PCNX1: variants seen among roughly 807,000 people sequenced by gnomAD.
The protein encoded by PCNX1 is pecanex 1.
In PCNX1, 78 loss-of-function variants were observed where a neutral mutation model predicts 242.2. That is an observed-to-expected ratio of 0.32 (90% CI 0.27 to 0.39). The LOEUF is 0.39. Among genes scored for constraint, PCNX1 ranks in the 10% least tolerant of loss-of-function variants. PCNX1 has a pLI of 1.00. For synonymous variants in PCNX1, 1,024 were observed against 1,032.9 expected, an observed-to-expected ratio of 0.99 and a Z score of 0.17; for missense variants, 2,581 against 2,856.5, an observed-to-expected ratio of 0.90 and a Z score of 2.20.
chr14:71,106,511 C>G (rs559682766), intron 33 of PCNX1, among the ~76,000 whole-genome samples: 69 of 150,994 alleles, frequency 4.6e-4, no homozygotes, highest in Non-Finnish European at 9.1e-4. Context: ...GAGAATAAGA[C>G]TCTTGATATA....
In PCNX1 at chr14:70,966,407, G is replaced by A. The variant is rs74060509; in HGVS notation, c.469-1791G>A. 3.3e-3 allele frequency among the ~76,000 whole-genome samples: 499 copies of A among 152,262 alleles called. 4 individuals carry two copies. Among genetic ancestry groups the A allele is most frequent in the African/African-American group, 0.012 (479 of 41,564 alleles). ...TTCTCTAGGCTTTTTTCTCAGGGTT[G>A]CAGGATGAGCACAGCAGCTTCAATC... On this transcript the variant is annotated intron_variant, in intron 3 of 35. Transcript: ENST00000304743.
chr14:71,047,171 G>A, intron 21 of PCNX1, 66 bp downstream of exon 21: 1 of 953,442 alleles, frequency 1.0e-6, no homozygotes, highest in Non-Finnish European at 1.5e-6. Flanking sequence ...GTCTTAAGTT[G>A]TTGATCAAAT....
At position 70,977,918 on chromosome 14, in the gene PCNX1, C is replaced by G. The variant is rs2058730383; in HGVS notation, c.1581C>G (p.Ser527=). The stretch of plus-strand genomic sequence containing the variant: ...ATAAGTCAGCTGTTTCTGTGGATTC[C>G]AAAGTGCGTAAAGATGTTGGTGGAA... ...KSDKSAVSVD[S]KVRKDVGGKQ... Residue 527 remains serine, a synonymous_variant, in exon 6 of 36, where the codon TCC becomes TCG. Transcript: ENST00000304743. The G allele has an allele frequency of 6.2e-7, 1 of 1,614,054 alleles. No individual in the cohort carries two copies. Among genetic ancestry groups the G allele is most frequent in the Non-Finnish European group, 8.5e-7 (1 of 1,180,024 alleles).
rs148869550 is a variant in PCNX1, at chr14:71,058,660, A to G, written c.4852+936A>G. On this transcript the variant is annotated intron_variant, in intron 26 of 35. Transcript: ENST00000304743. ...TTTATTTTCATCCTGGTGTTGCATA[A>G]GAAGGCTTGCACCTTAGCTATGTAG... is the stretch of plus-strand genomic sequence containing the variant. Among the ~76,000 whole-genome samples the G allele has an allele frequency of 2.4e-3, 361 of 152,314 alleles. 1 individual carries two copies. Among genetic ancestry groups the G allele is most frequent in the Middle Eastern group, 6.8e-3 (2 of 294 alleles).
Position 71,114,204 on chromosome 14 carries a change from T to C in PCNX1, c.*4269T>C, listed in dbSNP as rs2062809499. On this transcript the variant is annotated 3_prime_UTR_variant, in exon 36 of 36. Transcript: ENST00000304743. ...GCATTGGGACAGCATAATTCTAATA[T>C]TACATTGAATATGGCTTTTTAAAAA... 6.6e-6 allele frequency: 1 copy of C among 152,204 alleles called. No homozygotes were observed. The allele number at this position is 152,204 out of a possible 1,614,324, so 9.4% of individuals were successfully genotyped here.
intron 7 of PCNX1, 103 bp downstream of exon 7, chr14:70,988,802 T>G: frequency 7.2e-7 from 1 of 1,381,094 alleles, no homozygotes; most frequent in Non-Finnish European, 9.9e-7. Flanking sequence ...GTTTTTCTTT[T>G]CCTTTCTGTT....
rs752885109 is a variant in PCNX1, at chr14:71,103,713, C to A, written c.6095+44C>A. 10 of 1,582,344 alleles carry A rather than the reference C, an allele frequency of 6.3e-6. No individual in the cohort carries two copies. In the Admixed American group the frequency reaches 1.3e-4, roughly 21 times the overall value. On this transcript the variant is annotated intron_variant, in intron 32 of 35. Coordinates refer to ENST00000304743, the MANE Select transcript of PCNX1 (RefSeq NM_014982.3). Reference sequence around the variant, plus strand: ...TTATTCAGTGCTGGTGTATTCCTGACCCTCTTAATCTAGGCAGTGTGCATC... The same window carrying A: ...TTATTCAGTGCTGGTGTATTCCTGAACCTCTTAATCTAGGCAGTGTGCATC...
intron 1 of PCNX1, among the ~76,000 whole-genome samples, chr14:70,918,852 C>A (rs1471514817): frequency 6.7e-6 from 1 of 150,344 alleles, no homozygotes; most frequent in Non-Finnish European, 1.5e-5. Flanking sequence ...ATTTCTTATT[C>A]AATGGAGTGT....
At chr14:70,986,273 C>T (rs2058999222) in intron 6 of PCNX1, among the ~76,000 whole-genome samples, 1 of 152,162 alleles carries the variant, frequency 6.6e-6, no homozygotes, top group South Asian at 2.1e-4. Flanking sequence ...TAGGTGTTTA[C>T]CCCCTGAATA....
At chr14:71,033,855 TAA>T (rs1482470936) in intron 17 of PCNX1, 74 bp from the exon 18 acceptor site, 2 of 793,256 alleles carry the variant, frequency 2.5e-6, no homozygotes, top group South Asian at 1.5e-5. Context: ...TTTTCTATCA[TAA>T]ACTTCATTGC....
In PCNX1 at chr14:71,109,025, A is replaced by C. The variant is rs1172850964; in HGVS notation, c.6723A>C (p.Ala2241=). Residue 2241 remains alanine, a synonymous_variant, in exon 34 of 36, where the codon GCA becomes GCC. Transcript: ENST00000304743. ...CCAACAATTCACACTCCAGAAAGGC[A>C]GAAGTGATTTACAGAGTCCAAGTAA... is the stretch of plus-strand genomic sequence containing the variant. The part of the protein sequence containing the change: ...SPANNSHSRK[A]EVIYRVQIVD... 6.2e-7 allele frequency: 1 copy of C among 1,612,788 alleles called. No individual in the cohort carries two copies. Among genetic ancestry groups the C allele is most frequent in the African/African-American group, 1.3e-5 (1 of 74,938 alleles).
rs192328955 is a variant in PCNX1, at chr14:71,050,018, A to G, written c.4339-634A>G. On this transcript the variant is annotated intron_variant, in intron 22 of 35. Transcript: ENST00000304743. ...ATTTCTATGGAAACAGGCAGTGACAACTGTATTACAAATGCTGTTTTTCAC... is the reference window on the plus strand; with the variant it reads ...ATTTCTATGGAAACAGGCAGTGACAGCTGTATTACAAATGCTGTTTTTCAC... Among the ~76,000 whole-genome samples, 279 of 152,364 alleles carry G rather than the reference A, an allele frequency of 1.8e-3. 3 individuals carry two copies. Among genetic ancestry groups the G allele is most frequent in the African/African-American group, 6.6e-3 (274 of 41,584 alleles).
chr14:71,069,957 A>C (rs2061549480), intron 26 of PCNX1, among the ~76,000 whole-genome samples: 1 of 152,158 alleles, frequency 6.6e-6, no homozygotes. Flanking sequence ...CCATAGTATG[A>C]TTTCTTTCAA....
intron 1 of PCNX1, among the ~76,000 whole-genome samples, chr14:70,910,025 A>G (rs1331973154): frequency 7.9e-5 from 1 of 12,602 alleles, no homozygotes. Context: ...CTAGACGACG[A>G]CTCCTCCCTC....
intron 32 of PCNX1, among the ~76,000 whole-genome samples, chr14:71,104,377 G>C (rs553804029): frequency 6.6e-6 from 1 of 152,062 alleles, no homozygotes; most frequent in African/African-American, 2.4e-5. Context: ...ATATAAGTCA[G>C]GGGAGTGTTC....
intron 1 of PCNX1, chr14:70,943,022 T>C: frequency 6.5e-6 from 1 of 154,066 alleles, no homozygotes; most frequent in Non-Finnish European, 1.4e-5. Context: ...AAGAGGTGCC[T>C]TTTGCCATGA....
chr14:70,990,900 G>A lies in PCNX1; in HGVS notation c.2444+2201G>A, dbSNP rs79520316. 9.7e-3 allele frequency among the ~76,000 whole-genome samples: 1,477 copies of A among 151,784 alleles called. 22 individuals are homozygous for A. Among genetic ancestry groups the A allele is most frequent in the African/African-American group, 0.033 (1,366 of 41,416 alleles). ...ATTTTGTTTCTAACCTCTTCTTTTT[G>A]CCCCTTGAATAATACTTGCCAAAGG... is the stretch of plus-strand genomic sequence containing the variant. On this transcript the variant is annotated intron_variant, in intron 7 of 35. Coordinates refer to ENST00000304743, the MANE Select transcript of PCNX1 (RefSeq NM_014982.3).
chr14:71,049,156 T>A, intron 22 of PCNX1: 1 of 803,158 alleles, frequency 1.2e-6, no homozygotes, highest in Non-Finnish European at 1.5e-6. Flanking sequence ...GTAAATAATC[T>A]TTGAAATGTA....
chr14:71,087,067 AAG>A (rs951486763), intron 28 of PCNX1, among the ~76,000 whole-genome samples: 1 of 152,186 alleles, frequency 6.6e-6, no homozygotes, highest in African/African-American at 2.4e-5. Context: ...GGTAGAGAAA[AAG>A]AAAAAAAGAA....
Sources: gnomAD v4.1 joint callset for allele counts (sites outside exome capture counted in the v4.1 genomes callset) on GRCh38, gnomAD v4.1.1 for gene constraint, MANE v1.5 for transcripts, NCBI Gene and HGNC (gene_info 2026-07-23, HGNC 2026-07-21) for gene names.